PPM1L: variants seen among roughly 807,000 people sequenced by gnomAD.
PPM1L encodes the protein protein phosphatase 1L.
PPM1L carries 13 observed loss-of-function variants against 31.4 expected under a neutral mutation model. The ratio of observed to expected loss-of-function variants is 0.41; its 90% confidence interval spans 0.27 to 0.66. PPM1L has a LOEUF of 0.66. Among genes scored for constraint, PPM1L ranks in the 30% least tolerant of loss-of-function variants. The probability of loss-of-function intolerance (pLI) is 0.29; values close to 1 mark genes in which losing one functional copy is unlikely to be tolerated. For missense variants in PPM1L, 326 were observed against 453.7 expected, an observed-to-expected ratio of 0.72 and a Z score of 2.56; for synonymous variants, 184 against 175.4, an observed-to-expected ratio of 1.05 and a Z score of -0.39.
At chr3:160,808,584 G>A (rs1226645812) in intron 1 of PPM1L, among the ~76,000 whole-genome samples, 1 of 152,092 alleles carries the variant, frequency 6.6e-6, no homozygotes, top group African/African-American at 2.4e-5. Context: ...GGGAGCAGTG[G>A]CATCACTTGA....
At chr3:160,819,822 A>G (rs770828681) in intron 1 of PPM1L, among the ~76,000 whole-genome samples, 2 of 151,944 alleles carry the variant, frequency 1.3e-5, no homozygotes, top group Non-Finnish European at 2.9e-5. Context: ...TATTGTTGTT[A>G]TTTTTAAAAA....
At chr3:160,904,409 A>G (rs1285177028) in intron 1 of PPM1L, among the ~76,000 whole-genome samples, 1 of 152,188 alleles carries the variant, frequency 6.6e-6, no homozygotes, top group Admixed American at 6.5e-5. Context: ...AAGAAAATAC[A>G]CCAAAAACTT....
intron 1 of PPM1L, among the ~76,000 whole-genome samples, chr3:160,888,882 A>G (rs1166093653): frequency 6.6e-6 from 1 of 152,212 alleles, no homozygotes; most frequent in Non-Finnish European, 1.5e-5. Context: ...CTGGATAAAT[A>G]ATGAAATTAG....
intron 2 of PPM1L, among the ~76,000 whole-genome samples, chr3:161,056,828 G>T (rs997184119): frequency 1.3e-5 from 2 of 152,068 alleles, no homozygotes; most frequent in African/African-American, 2.4e-5. Context: ...TTGGGAGGCC[G>T]AGGTGGGTAG....
At chr3:161,059,006 TAAATC>T (rs1465875907) in intron 2 of PPM1L, among the ~76,000 whole-genome samples, 1 of 152,178 alleles carries the variant, frequency 6.6e-6, no homozygotes, top group East Asian at 1.9e-4. Flanking sequence ...TTCCAGAAAT[TAAATC>T]AGAGGGGAGA....
At chr3:160,803,895 G>T (rs542242766) in intron 1 of PPM1L, among the ~76,000 whole-genome samples, 3 of 152,056 alleles carry the variant, frequency 2.0e-5, no homozygotes, top group Non-Finnish European at 4.4e-5. Flanking sequence ...TTAGCATAGA[G>T]ATTATTAAAT....
intron 1 of PPM1L, among the ~76,000 whole-genome samples, chr3:160,911,696 A>G (rs778656217): frequency 7.2e-5 from 11 of 152,182 alleles, no homozygotes; most frequent in Non-Finnish European, 1.5e-4. Flanking sequence ...CCCTCACAAG[A>G]CAGGAGTCCT....
intron 2 of PPM1L, among the ~76,000 whole-genome samples, chr3:160,991,826 A>T (rs1438470844): frequency 6.6e-6 from 1 of 152,210 alleles, no homozygotes; most frequent in Non-Finnish European, 1.5e-5. Flanking sequence ...TTCTGTATAC[A>T]TATGATACAT....
intron 2 of PPM1L, among the ~76,000 whole-genome samples, chr3:161,052,953 A>AT (rs981299748): frequency 8.5e-5 from 13 of 152,240 alleles, no homozygotes; most frequent in Middle Eastern, 3.4e-3. Flanking sequence ...ATAAGGTTCA[A>AT]TTTCAGAAGT....
At chr3:160,831,563 A>C (rs576973926) in intron 1 of PPM1L, among the ~76,000 whole-genome samples, 2 of 152,346 alleles carry the variant, frequency 1.3e-5, no homozygotes, top group South Asian at 4.1e-4. Context: ...TTCGAGGAGC[A>C]GGTGGCCAGG....
At position 160,984,689 on chromosome 3, in the gene PPM1L, A is replaced by G. The variant is rs114480053; in HGVS notation, c.574+22779A>G. On this transcript the variant is annotated intron_variant, in intron 2 of 3. Transcript: ENST00000498165. ...TTCAGGGTCCCTGACTTCCTGCAACAGGTCTTACTTAGTAGAGTGTCAAAT... is the reference window on the plus strand; with the variant it reads ...TTCAGGGTCCCTGACTTCCTGCAACGGGTCTTACTTAGTAGAGTGTCAAAT... Among the ~76,000 whole-genome samples the G allele has an allele frequency of 4.3e-3, 651 of 152,336 alleles. 5 individuals carry two copies. The highest frequency in any genetic ancestry group is 0.014 in the African/African-American group (599 of 41,576).
chr3:160,835,110 CCTT>C (rs1231837108), intron 1 of PPM1L, among the ~76,000 whole-genome samples: 16 of 103,672 alleles, frequency 1.5e-4, no homozygotes, highest in Non-Finnish European at 2.1e-4. Flanking sequence ...CTTCTTTCTT[CCTT>C]CTTCTTTCTT....
Position 160,781,230 on chromosome 3 carries a change from A to T in PPM1L, c.399+24523A>T, listed in dbSNP as rs111484453. ...TTTTCTTTTAGTGATAGAGCGACTC[A>T]TGGCTTTTTGTAAACTCTTAATAGC... On this transcript the variant is annotated intron_variant, in intron 1 of 3. Coordinates refer to ENST00000498165, the MANE Select transcript of PPM1L (RefSeq NM_139245.4). Among the ~76,000 whole-genome samples, 562 of 152,278 alleles carry T rather than the reference A, an allele frequency of 3.7e-3. 7 individuals carry two copies. Among genetic ancestry groups the T allele is most frequent in the African/African-American group, 0.013 (538 of 41,552 alleles).
intron 1 of PPM1L, among the ~76,000 whole-genome samples, chr3:160,806,910 G>A (rs1053162080): frequency 1.4e-4 from 20 of 145,906 alleles, no homozygotes; most frequent in African/African-American, 5.0e-4. Flanking sequence ...GAGAAAGAAA[G>A]AGAAGGAAAG....
Position 160,949,062 on chromosome 3 carries a change from C to T in PPM1L, c.400-12674C>T, listed in dbSNP as rs186323711. Among the ~76,000 whole-genome samples, 222 of 152,198 alleles carry T rather than the reference C, an allele frequency of 1.5e-3. 4 individuals carry two copies. The highest frequency in any genetic ancestry group is 5.6e-4 in the Non-Finnish European group (38 of 68,010). ...ATATGGAGCAGGCCCCATGAATCTG[C>T]GTTTTTAAAGAAGGCAATCCCCTCT... On this transcript the variant is annotated intron_variant, in intron 1 of 3. Coordinates refer to ENST00000498165, the MANE Select transcript of PPM1L (RefSeq NM_139245.4).
Position 160,953,138 on chromosome 3 carries a change from T to C in PPM1L, c.400-8598T>C, listed in dbSNP as rs181469263. ...TCTTGGTTTTTCAGTTACTTGGAAA[T>C]TGGGTCTCTATATCAGGACCAACAT... On this transcript the variant is annotated intron_variant, in intron 1 of 3. Coordinates refer to ENST00000498165, the MANE Select transcript of PPM1L (RefSeq NM_139245.4). 1.6e-4 allele frequency among the ~76,000 whole-genome samples: 24 copies of C among 152,326 alleles called. No individual in the cohort carries two copies. The East Asian group carries it at 4.2e-3, about 27-fold the overall frequency.
intron 1 of PPM1L, among the ~76,000 whole-genome samples, chr3:160,849,314 C>T: frequency 6.6e-6 from 1 of 152,158 alleles, no homozygotes; most frequent in East Asian, 1.9e-4. Context: ...GAATGTTCTC[C>T]AGAACTTCTT....
rs1358089367 is a variant in PPM1L at position 160,944,802 on chromosome 3, CATATATAACATATATATGTT to C, written c.400-16898_400-16879del. On this transcript the variant is annotated intron_variant, in intron 1 of 3. Transcript: ENST00000498165. ...ATTATATTATATATGTTATATATAA[CATATATAACATATATATGTT>C]ATATATAACATATATATGTTATATA... Among the ~76,000 whole-genome samples the C allele has an allele frequency of 3.4e-3, 48 of 14,320 alleles. 6 individuals carry two copies. Among genetic ancestry groups the C allele is most frequent in the East Asian group, 0.01 (16 of 1,574 alleles). The allele number at this position is 14,320 out of a possible 152,430, so 9.4% of individuals were successfully genotyped here.
At chr3:160,820,638 AT>A (rs1319039584) in intron 1 of PPM1L, among the ~76,000 whole-genome samples, 1 of 152,104 alleles carries the variant, frequency 6.6e-6, no homozygotes, top group Non-Finnish European at 1.5e-5. Context: ...TGTAAATGAT[AT>A]TATACTGTAT....
Sources: allele counts gnomAD v4.1 joint callset (sites outside exome capture counted in the v4.1 genomes callset), GRCh38; gene constraint gnomAD v4.1.1; transcripts MANE v1.5; gene names NCBI Gene and HGNC (gene_info 2026-07-23, HGNC 2026-07-21).